STAP2: variants seen among roughly 807,000 people sequenced by gnomAD.
The protein encoded by STAP2 is signal-transducing adaptor protein 2.
A neutral mutation model predicts 52.7 loss-of-function variants in STAP2; 58 were observed. The observed-to-expected ratio is 1.10, with a 90% CI of 0.89 to 1.37. STAP2 has a LOEUF of 1.37. STAP2 is among the 40% of genes most tolerant of loss of function. STAP2 has a pLI of 0.00. For synonymous variants in STAP2, 231 were observed against 210.5 expected (o/e 1.10, Z -0.84); for missense variants, 522 against 519.4 (o/e 1.00, Z -0.05).
At chr19:4,331,931 C>G in intron 4 of STAP2, 91 bp downstream of exon 4, 1 of 1,414,784 alleles carries the variant, frequency 7.1e-7, no homozygotes, top group South Asian at 1.2e-5. Context: ...GACTCCGTCT[C>G]AAAAAAAGAA....
chr19:4,329,668 T>C (rs574890762), intron 5 of STAP2, among the ~76,000 whole-genome samples: 2 of 152,176 alleles, frequency 1.3e-5, no homozygotes, highest in South Asian at 4.1e-4. Flanking sequence ...CATCACCTTC[T>C]AGACACCTAG....
chr19:4,333,062 C>T (rs564133705), intron 3 of STAP2, among the ~76,000 whole-genome samples: 8 of 151,778 alleles, frequency 5.3e-5, no homozygotes, highest in East Asian at 1.9e-4. Flanking sequence ...TGGTGGCACA[C>T]GCCTGTAATC....
intron 12 of STAP2, 86 bp downstream of exon 12, chr19:4,324,369 G>A: frequency 1.5e-6 from 2 of 1,360,174 alleles, no homozygotes; most frequent in Non-Finnish European, 2.0e-6. Flanking sequence ...TTAAAAGACA[G>A]GGCGCTTCGG....
At chr19:4,324,800 G>T in intron 11 of STAP2, 1 of 455,224 alleles carries the variant, frequency 2.2e-6, no homozygotes, top group South Asian at 2.4e-5. Flanking sequence ...CCACTGCCTG[G>T]GCAACAGAGT....
intron 12 of STAP2, 37 bp downstream of exon 12, chr19:4,324,418 G>A: frequency 6.6e-7 from 1 of 1,509,740 alleles, no homozygotes; most frequent in African/African-American, 1.4e-5. Context: ...CACACACCTG[G>A]GAAGCCCGCC....
chr19:4,327,438 C>T (rs1971813596), intron 6 of STAP2, 53 bp from the exon 7 acceptor site: 1 of 1,597,634 alleles, frequency 6.3e-7, no homozygotes, highest in East Asian at 2.2e-5. Context: ...CACACCGCCC[C>T]TCAGGGAAGG....
At chr19:4,332,704 C>T (rs1368751283) in intron 3 of STAP2, among the ~76,000 whole-genome samples, 2 of 151,624 alleles carry the variant, frequency 1.3e-5, no homozygotes, top group African/African-American at 2.4e-5. Context: ...ATTAGCCAGG[C>T]ATAGTGGCAT....
intron 4 of STAP2, among the ~76,000 whole-genome samples, chr19:4,330,956 G>A (rs982756407): frequency 1.3e-5 from 2 of 151,866 alleles, no homozygotes; most frequent in Non-Finnish European, 2.9e-5. Context: ...CTCATGATCT[G>A]CCAGCCTCGG....
intron 1 of STAP2, among the ~76,000 whole-genome samples, chr19:4,336,019 T>C (rs1197354438): frequency 6.6e-6 from 1 of 152,078 alleles, no homozygotes; most frequent in Non-Finnish European, 1.5e-5. Flanking sequence ...TTTTGTTTTG[T>C]TTTGTTTTTA....
In STAP2 at chr19:4,330,068, G is replaced by A; in HGVS notation, c.355-7C>T. On this transcript the variant is annotated splice_polypyrimidine_tract_variant and splice_region_variant and intron_variant, in intron 4 of 12. Coordinates refer to ENST00000594605, the MANE Select transcript of STAP2 (RefSeq NM_001013841.2). ...AGTCGGTCGGGACACGGAGCTGAGG[G>A]GCGATCGAGGGACAGTGACTGCACC... 1.9e-6 allele frequency: 3 copies of A among 1,611,474 alleles called. No homozygotes were observed. In the South Asian group the frequency reaches 3.3e-5, roughly 18 times the overall value.
At chr19:4,327,909 A>G (rs1971821087) in intron 6 of STAP2, among the ~76,000 whole-genome samples, 1 of 150,468 alleles carries the variant, frequency 6.6e-6, no homozygotes, top group Non-Finnish European at 1.5e-5. Flanking sequence ...CCGCCTCCAT[A>G]GCCCTACTCA....
chr19:4,337,596 C>G (rs1045980582), intron 1 of STAP2, among the ~76,000 whole-genome samples: 1 of 149,704 alleles, frequency 6.7e-6, no homozygotes, highest in Admixed American at 6.7e-5. Flanking sequence ...CCTGTAATCC[C>G]AGCATTTAGA....
In STAP2 at chr19:4,334,819, A is replaced by ATTCAT. The variant is rs1568388586; in HGVS notation, c.103-776_103-775insATGAA. Among the ~76,000 whole-genome samples the ATTCAT allele has an allele frequency of 8.5e-5, 9 of 105,944 alleles. 1 individual carries two copies. The highest frequency in any genetic ancestry group is 2.9e-4 in the Admixed American group (3 of 10,482). 69.5% of individuals were successfully genotyped at this position (105,944 alleles called of 152,430 possible). On this transcript the variant is annotated intron_variant, in intron 1 of 12. Transcript: ENST00000594605. ...CCATCCATCCCTCCATCATCCATCC[A>ATTCAT]CTCATCCATCCACCCACTCATCCAT...
chr19:4,328,099 T>C, intron 6 of STAP2: 1 of 165,066 alleles, frequency 6.1e-6, no homozygotes. Context: ...CTACAGGGAG[T>C]CCCAGCTCCT....
At chr19:4,328,642 C>G in intron 6 of STAP2, 33 bp downstream of exon 6, 1 of 1,471,566 alleles carries the variant, frequency 6.8e-7, no homozygotes, top group Non-Finnish European at 9.3e-7. Flanking sequence ...CCACCCTCCT[C>G]CCACCCAGGG....
intron 11 of STAP2, chr19:4,324,811 G>C (rs909914571): frequency 2.0e-5 from 9 of 449,544 alleles, no homozygotes; most frequent in African/African-American, 1.8e-4. Context: ...GCAACAGAGT[G>C]AGACTCCATC....
In STAP2 at chr19:4,325,564, C is replaced by T; in HGVS notation, c.830-19G>A. On this transcript the variant is annotated intron_variant, in intron 9 of 12. Transcript: ENST00000594605. ...GCAGGACCTGATGGGGAAACGTGGT[C>T]ACTGTCAAGACCCATGTCATACAGG... 1 of 1,560,308 alleles carries T rather than the reference C, an allele frequency of 6.4e-7. No individual in the cohort carries two copies. Among genetic ancestry groups the T allele is most frequent in the Non-Finnish European group, 8.6e-7 (1 of 1,156,938 alleles).
At chr19:4,338,548 A>AGCC in intron 1 of STAP2, 104 bp downstream of exon 1, 1 of 527,402 alleles carries the variant, frequency 1.9e-6, no homozygotes, top group Non-Finnish European at 3.4e-6. Context: ...CCCATCCAGC[A>AGCC]CCCACCCCGC....
Position 4,333,750 on chromosome 19 carries a change from G to T in STAP2, c.241C>A (p.Arg81Ser), listed in dbSNP as rs780561497. ...LTDEIPWGSS[R>S]DPGTHFSLIL... The stretch of plus-strand genomic sequence containing the variant: ...AGGCTGAAGTGGGTGCCAGGGTCAC[G>T]TGAGCTTCCCCAGGGAATCTCATCT... The change falls in exon 3 of 13, where the codon CGT (arginine) becomes AGT (serine). Residue 81 changes from arginine (R) to serine (S), a missense_variant. Arg to Ser is a moderately radical substitution (Grantham distance 110). Coordinates refer to ENST00000594605, the MANE Select transcript of STAP2 (RefSeq NM_001013841.2). 6.2e-7 allele frequency: 1 copy of T among 1,613,414 alleles called. No individual in the cohort carries two copies. Among genetic ancestry groups the T allele is most frequent in the Non-Finnish European group, 8.5e-7 (1 of 1,179,984 alleles).
Sources: allele counts gnomAD v4.1 joint callset (sites outside exome capture counted in the v4.1 genomes callset), GRCh38; gene constraint gnomAD v4.1.1; transcripts MANE v1.5; gene names NCBI Gene and HGNC (gene_info 2026-07-23, HGNC 2026-07-21).